GLRB: variants seen among roughly 807,000 people sequenced by gnomAD.
GLRB encodes glycine receptor beta.
In GLRB, 33 loss-of-function variants were observed where a neutral mutation model predicts 54.2. That is an observed-to-expected ratio of 0.61 (90% CI 0.46 to 0.81). The LOEUF (loss-of-function observed/expected upper bound fraction) is 0.81. Among genes scored for constraint, GLRB ranks in the 40% least tolerant of loss-of-function variants. GLRB has a pLI of 0.00. For missense variants in GLRB, 572 were observed against 584.6 expected, an observed-to-expected ratio of 0.98 and a Z score of 0.22; for synonymous variants, 209 against 208.2, an observed-to-expected ratio of 1.00 and a Z score of -0.03.
intron 6 of GLRB, among the ~76,000 whole-genome samples, chr4:157,138,367 C>A (rs1736485235): frequency 6.6e-6 from 1 of 152,206 alleles, no homozygotes; most frequent in Non-Finnish European, 1.5e-5. Flanking sequence ...AGCCACCGCA[C>A]CAGGCCGATT....
intron 2 of GLRB, among the ~76,000 whole-genome samples, chr4:157,092,448 C>G (rs1734654175): frequency 6.6e-6 from 1 of 152,190 alleles, no homozygotes; most frequent in Non-Finnish European, 1.5e-5. Flanking sequence ...AGTAGAACCT[C>G]TTTAAAGAGT....
At chr4:157,092,918 A>C (rs1157063156) in intron 2 of GLRB, among the ~76,000 whole-genome samples, 1 of 152,102 alleles carries the variant, frequency 6.6e-6, no homozygotes, top group Non-Finnish European at 1.5e-5. Context: ...AAGGTAGTAA[A>C]ATGGCTTTCC....
chr4:157,133,596 T>A (rs1048448730), intron 4 of GLRB, among the ~76,000 whole-genome samples: 1 of 151,956 alleles, frequency 6.6e-6, no homozygotes, highest in Admixed American at 6.6e-5. Context: ...AACTAGACCA[T>A]GAAAATTAAT....
Position 157,122,375 on chromosome 4 carries a change from G to T in GLRB, c.275G>T (p.Gly92Val), listed in dbSNP as rs1234659584. The T allele has an allele frequency of 1.5e-6, 2 of 1,309,328 alleles. No homozygotes were observed. Among genetic ancestry groups the T allele is most frequent in the African/African-American group, 3.0e-5 (2 of 67,790 alleles). 81.1% of individuals were successfully genotyped at this position (1,309,328 alleles called of 1,614,324 possible). The change falls in exon 4 of 10, where the codon GGA becomes GTA. Residue 92 changes from glycine (G) to valine (V), a missense_variant. Coordinates refer to ENST00000264428, the MANE Select transcript of GLRB (RefSeq NM_000824.5). ...VVVNIFINSF[G>V]SIQETTMDYR... Reference sequence around the variant, plus strand: ...GTCAACATTTTTATTAACAGTTTTGGATCCATTCAAGAAACAACAATGGTA... The same window carrying T: ...GTCAACATTTTTATTAACAGTTTTGTATCCATTCAAGAAACAACAATGGTA...
chr4:157,116,499 A>G (rs1411380647), intron 2 of GLRB, among the ~76,000 whole-genome samples: 2 of 151,594 alleles, frequency 1.3e-5, no homozygotes, highest in Non-Finnish European at 3.0e-5. Context: ...TCTAATTTAA[A>G]TCACTTAACT....
Position 157,136,848 on chromosome 4 carries a change from C to T in GLRB, c.572C>T (p.Pro191Leu). ...LSCPLDLTLF[P>L]MDTQRCKMQL... ...TGCCCTTTGGACTTGACATTGTTTC[C>T]CATGGATACACAACGTTGCAAGATG... The change falls in exon 6 of 10, where the codon CCC becomes CTC. Residue 191 changes from proline (P) to leucine (L), a missense_variant. Pro to Leu is a moderately conservative substitution (Grantham distance 98, BLOSUM62 -3). Coordinates refer to ENST00000264428, the MANE Select transcript of GLRB (RefSeq NM_000824.5). 1 of 1,610,406 alleles carries T rather than the reference C, an allele frequency of 6.2e-7. No individual in the cohort carries two copies. The highest frequency in any genetic ancestry group is 2.2e-5 in the East Asian group (1 of 44,830).
At chr4:157,142,501 C>G (rs956570411) in intron 7 of GLRB, among the ~76,000 whole-genome samples, 1 of 152,030 alleles carries the variant, frequency 6.6e-6, no homozygotes, top group African/African-American at 2.4e-5. Flanking sequence ...GATTTCTAAT[C>G]TATTTGTTGA....
At chr4:157,137,431 A>T (rs1037783362) in intron 6 of GLRB, among the ~76,000 whole-genome samples, 6 of 151,962 alleles carry the variant, frequency 3.9e-5, no homozygotes, top group South Asian at 4.1e-4. Context: ...CAATGTACTA[A>T]TTAATTTCCC....
At chr4:157,111,520 G>A (rs775431578) in intron 2 of GLRB, among the ~76,000 whole-genome samples, 9 of 151,946 alleles carry the variant, frequency 5.9e-5, no homozygotes, top group South Asian at 2.1e-4. Flanking sequence ...TGGGGTTTTA[G>A]GGGTGGGGAT....
At chr4:157,124,777 C>A (rs569979023) in intron 4 of GLRB, among the ~76,000 whole-genome samples, 1 of 151,854 alleles carries the variant, frequency 6.6e-6, no homozygotes, top group Non-Finnish European at 1.5e-5. Context: ...GGATGAAAAC[C>A]AATCTGCCCT....
Position 157,170,510 on chromosome 4 carries a change from T to C in GLRB, c.1276T>C (p.Leu426=). 6.2e-7 allele frequency: 1 copy of C among 1,611,078 alleles called. No individual in the cohort carries two copies. The change falls in exon 10 of 10, where the codon TTA becomes CTA. Residue 426 remains leucine, a synonymous_variant. Transcript: ENST00000264428. ...RSNDFSIVGS[L]PRDFELSNYD... ...TAATGACTTCAGCATTGTTGGAAGC[T>C]TACCAAGAGATTTTGAACTATCCAA...
intron 2 of GLRB, among the ~76,000 whole-genome samples, chr4:157,082,685 A>G (rs72978475): frequency 0.091 from 13,830 of 152,136 alleles, 999 homozygotes; most frequent in African/African-American, 0.21. Context: ...TGGCCTCATC[A>G]TAGTCAATTA....
intron 7 of GLRB, 78 bp downstream of exon 7, chr4:157,139,027 A>G (rs916665565): frequency 1.3e-6 from 1 of 795,192 alleles, no homozygotes; most frequent in Non-Finnish European, 2.1e-6. Flanking sequence ...AGGGGAGAGT[A>G]GAAAAGAAGT....
At chr4:157,157,018 G>C (rs1033976847) in intron 9 of GLRB, among the ~76,000 whole-genome samples, 1 of 152,150 alleles carries the variant, frequency 6.6e-6, no homozygotes, top group Non-Finnish European at 1.5e-5. Flanking sequence ...CTTCGTCAGG[G>C]TAGAGCTCCT....
intron 2 of GLRB, among the ~76,000 whole-genome samples, chr4:157,095,509 A>G (rs1364855558): frequency 1.3e-5 from 2 of 152,118 alleles, no homozygotes; most frequent in African/African-American, 4.8e-5. Flanking sequence ...GGAGGTATAC[A>G]TTTAAAGAGT....
chr4:157,100,798 A>G (rs1734991257), intron 2 of GLRB, among the ~76,000 whole-genome samples: 1 of 152,212 alleles, frequency 6.6e-6, no homozygotes, highest in Non-Finnish European at 1.5e-5. Context: ...GATTTTGGTT[A>G]TATGAACCTT....
At chr4:157,079,780 C>T (rs1282681762) in intron 2 of GLRB, among the ~76,000 whole-genome samples, 4 of 152,118 alleles carry the variant, frequency 2.6e-5, no homozygotes, top group Non-Finnish European at 5.9e-5. Context: ...ATTGTCAGGC[C>T]TTAGTATTCC....
chr4:157,145,022 A>T (rs2126586467), intron 8 of GLRB, among the ~76,000 whole-genome samples: 1 of 152,360 alleles, frequency 6.6e-6, no homozygotes, highest in Non-Finnish European at 1.5e-5. Flanking sequence ...ATAACCAAAA[A>T]AACCTGAATT....
At chr4:157,162,125 G>C (rs901370606) in intron 9 of GLRB, among the ~76,000 whole-genome samples, 3 of 152,104 alleles carry the variant, frequency 2.0e-5, no homozygotes, top group Admixed American at 2.0e-4. Context: ...GATCAAATCG[G>C]CGACTGAAGC....
Sources: gnomAD v4.1 joint callset for allele counts (sites outside exome capture counted in the v4.1 genomes callset) on GRCh38, gnomAD v4.1.1 for gene constraint, MANE v1.5 for transcripts, NCBI Gene and HGNC (gene_info 2026-07-23, HGNC 2026-07-21) for gene names.